Variants in HEXA observed in about 807,000 individuals in gnomAD.
HEXA encodes the protein hexosaminidase subunit alpha, also known as beta-hexosaminidase subunit alpha.
HEXA carries 54 observed loss-of-function variants against 73.3 expected under a neutral mutation model. The ratio of observed to expected loss-of-function variants is 0.74; its 90% CI spans 0.59 to 0.92. The LOEUF (loss-of-function observed/expected upper bound fraction) is 0.92. Ranked by LOEUF, HEXA falls within the 40% of genes least tolerant of loss-of-function variation. The pLI, the probability that HEXA is intolerant of heterozygous loss-of-function variation, is 0.00. For synonymous variants in HEXA, 230 were observed against 246.9 expected, an observed-to-expected ratio of 0.93 and a Z score of 0.64; for missense variants, 649 against 653.0, an observed-to-expected ratio of 0.99 and a Z score of 0.07.
chr15:72,357,100 T>C (rs1331842065), intron 1 of HEXA: 2 of 253,804 alleles, frequency 7.9e-6, no homozygotes, highest in East Asian at 1.8e-4. Context: ...TCTAACATTT[T>C]TTCATACAAG....
chr15:72,361,646 TCTC>T (rs1340339919), intron 1 of HEXA, among the ~76,000 whole-genome samples: 3 of 152,174 alleles, frequency 2.0e-5, no homozygotes, highest in South Asian at 2.1e-4. Context: ...ATACCAGAAA[TCTC>T]CTTCTTCTAC....
chr15:72,352,896 T>C (rs1243887226), intron 5 of HEXA, among the ~76,000 whole-genome samples, 172 bp downstream of exon 5: 2 of 152,200 alleles, frequency 1.3e-5, no homozygotes, highest in African/African-American at 4.8e-5. Flanking sequence ...ACTTCTGACT[T>C]CAGGTGATCC....
chr15:72,349,332 C>T, intron 7 of HEXA, 73 bp from the exon 8 acceptor site: 5 of 1,171,698 alleles, frequency 4.3e-6, no homozygotes, highest in South Asian at 3.7e-5. Flanking sequence ...CACGTAAGGA[C>T]ACGAGTCACA....
chr15:72,344,319 A>G (rs1329919269), intron 13 of HEXA, among the ~76,000 whole-genome samples, 179 bp from the exon 14 acceptor site: 1 of 152,192 alleles, frequency 6.6e-6, no homozygotes, highest in Admixed American at 6.5e-5. Context: ...GGGGCAAAGT[A>G]TTGGCAAGAA....
intron 8 of HEXA, among the ~76,000 whole-genome samples, chr15:72,348,796 C>A (rs564225210): frequency 2.6e-4 from 39 of 152,322 alleles, no homozygotes; most frequent in African/African-American, 9.1e-4. Flanking sequence ...GATTATTTTT[C>A]TCTATCCCGA....
At chr15:72,370,708 A>AAAGAAAAAAAAAAT in intron 1 of HEXA, 1 of 381,832 alleles carries the variant, frequency 2.6e-6, no homozygotes, top group Non-Finnish European at 4.6e-6. Context: ...AAAAAAAAAA[A>AAAGAAAAAAAAAAT]GAAAGAAAAG....
At chr15:72,347,781 GTAAGTGTC>G (rs1567296692) in intron 9 of HEXA, 23 bp from the exon 10 acceptor site, 1 of 1,608,434 alleles carries the variant, frequency 6.2e-7, no homozygotes, top group Non-Finnish European at 8.5e-7. Flanking sequence ...GGAGTGTCTA[GTAAGTGTC>G]TGCTTAGCTC....
chr15:72,356,657 T>C lies in HEXA; in HGVS notation c.254-40A>G, dbSNP rs759838234. 3.1e-6 allele frequency: 5 copies of C among 1,612,678 alleles called. No individual in the cohort carries two copies. In the East Asian group the frequency reaches 8.9e-5, roughly 29 times the overall value. On this transcript the variant is annotated intron_variant, in intron 1 of 13. Transcript: ENST00000268097. Reference sequence around the variant, plus strand: ...TAAGCTTGGTGCGGCCAACCTGCCATTAGAAGCAACAGGCAAAACCAAGAC... The same window carrying C: ...TAAGCTTGGTGCGGCCAACCTGCCACTAGAAGCAACAGGCAAAACCAAGAC...
chr15:72,370,933 A>C (rs1422673908), intron 1 of HEXA, among the ~76,000 whole-genome samples: 1 of 152,202 alleles, frequency 6.6e-6, no homozygotes. Context: ...CATGAGAAAA[A>C]GTAATTCTAC....
In HEXA at chr15:72,345,496, G is replaced by C. The variant is rs1185080097; in HGVS notation, c.1476C>G (p.Asp492Glu). ...ERLWSNKLTS[D>E]LTFAYERLSH... The stretch of plus-strand genomic sequence containing the variant: ...ACAAACGTTCATAGGCAAATGTCAG[G>C]TCAGATGTCAACTTGTTGCTCCACA... Residue 492 changes from aspartate (D) to glutamate (E), a missense_variant, in exon 13 of 14, where the codon GAC becomes GAG. Physicochemically the swap from Asp to Glu is conservative, Grantham distance 45. Coordinates refer to ENST00000268097, the MANE Select transcript of HEXA (RefSeq NM_000520.6). 3 of 1,614,130 alleles carry C rather than the reference G, an allele frequency of 1.9e-6. No individual in the cohort carries two copies. Among genetic ancestry groups the C allele is most frequent in the Non-Finnish European group, 2.5e-6 (3 of 1,180,052 alleles).
At chr15:72,349,033 G>A in intron 8 of HEXA, 46 bp downstream of exon 8, 1 of 1,529,160 alleles carries the variant, frequency 6.5e-7, no homozygotes, top group East Asian at 2.2e-5. Context: ...TCTATTCTGA[G>A]TAAGCAACTG....
At chr15:72,348,501 C>G (rs1263873514) in intron 8 of HEXA, among the ~76,000 whole-genome samples, 1 of 152,240 alleles carries the variant, frequency 6.6e-6, no homozygotes, top group Non-Finnish European at 1.5e-5. Flanking sequence ...GCCTTGCTGT[C>G]TAACACCTGC....
chr15:72,347,515 G>A (rs1331491527), intron 10 of HEXA, among the ~76,000 whole-genome samples, 171 bp downstream of exon 10: 1 of 152,150 alleles, frequency 6.6e-6, no homozygotes, highest in Non-Finnish European at 1.5e-5. Flanking sequence ...TTACAGGCGT[G>A]AGCCACTGCA....
intron 3 of HEXA, 175 bp downstream of exon 3, chr15:72,355,384 G>GTA: frequency 1.5e-6 from 1 of 664,536 alleles, no homozygotes; most frequent in Non-Finnish European, 2.8e-6. Context: ...GAATTAGCTG[G>GTA]GCATGGTGGC....
intron 1 of HEXA, among the ~76,000 whole-genome samples, chr15:72,369,753 T>C (rs923529597): frequency 1.3e-5 from 2 of 152,134 alleles, no homozygotes; most frequent in Non-Finnish European, 2.9e-5. Flanking sequence ...TTTCCCTCTA[T>C]ATAACAACAG....
chr15:72,344,633 G>A (rs1026249280), intron 13 of HEXA, among the ~76,000 whole-genome samples: 1 of 152,096 alleles, frequency 6.6e-6, no homozygotes, highest in African/African-American at 2.4e-5. Flanking sequence ...AATCTCCTTA[G>A]GGGACCTCTA....
chr15:72,371,893 T>A (rs1009255879), intron 1 of HEXA, among the ~76,000 whole-genome samples: 2 of 152,022 alleles, frequency 1.3e-5, no homozygotes, highest in African/African-American at 4.8e-5. Context: ...CATTCCAGAA[T>A]AAAAGGGCTG....
chr15:72,364,771 T>C lies in HEXA; in HGVS notation c.254-8154A>G, dbSNP rs375062262. ...TGCCAGCTGGATTTAAAAAAACACA[T>C]ACATTGTTTCAATTTCAATTTGTAT... On this transcript the variant is annotated intron_variant, in intron 1 of 13. Transcript: ENST00000268097. Among the ~76,000 whole-genome samples, 491 of 152,056 alleles carry C rather than the reference T, an allele frequency of 3.2e-3. 3 individuals carry two copies. The highest frequency in any genetic ancestry group is 0.011 in the African/African-American group (467 of 41,504).
chr15:72,369,290 T>C (rs1401437165), intron 1 of HEXA, among the ~76,000 whole-genome samples: 2 of 152,194 alleles, frequency 1.3e-5, no homozygotes, highest in Non-Finnish European at 2.9e-5. Context: ...TGTAAACATG[T>C]AAACCTTGAG....
Sources: gnomAD v4.1 joint callset for allele counts (sites outside exome capture counted in the v4.1 genomes callset) on GRCh38, gnomAD v4.1.1 for gene constraint, MANE v1.5 for transcripts, NCBI Gene and HGNC (gene_info 2026-07-23, HGNC 2026-07-21) for gene names.